GPHN: variants seen among roughly 807,000 people sequenced by gnomAD.
The protein encoded by GPHN is gephyrin.
A neutral mutation model predicts 95.5 loss-of-function variants in GPHN; 17 were observed. The ratio of observed to expected loss-of-function variants is 0.18; its 90% CI spans 0.12 to 0.27. The LOEUF (loss-of-function observed/expected upper bound fraction) is 0.27. GPHN is among the 10% of genes least tolerant of loss of function. The pLI is 1.00. For synonymous variants in GPHN, 320 were observed against 322.5 expected, an observed-to-expected ratio of 0.99 and a Z score of 0.08; for missense variants, 660 against 978.1, an observed-to-expected ratio of 0.67 and a Z score of 4.34.
chr14:66,565,656 TA>T (rs977026424), intron 1 of GPHN, among the ~76,000 whole-genome samples: 1 of 152,138 alleles, frequency 6.6e-6, no homozygotes. Context: ...AGGACTAAAA[TA>T]ATCAATGTAA....
At chr14:67,560,556 C>G in the GPHN span, among the ~76,000 whole-genome samples, 1 of 152,190 alleles carries the variant, frequency 6.6e-6, no homozygotes, top group Non-Finnish European at 1.5e-5. Context: ...CTGGTAACCT[C>G]TATTCCACCT....
the GPHN span, chr14:67,579,925 T>C: frequency 1.3e-6 from 2 of 1,529,218 alleles, no homozygotes; most frequent in Non-Finnish European, 1.8e-6. Flanking sequence ...CTCAGGGATA[T>C]TGGTGGTGGG....
intron 17 of GPHN, among the ~76,000 whole-genome samples, chr14:67,138,887 C>CTTTTTT (rs34446302): frequency 5.3e-5 from 5 of 94,686 alleles, no homozygotes; most frequent in African/African-American, 3.0e-4. Flanking sequence ...GCATCCTCTC[C>CTTTTTT]TTTTTTTTTT....
intron 18 of GPHN, among the ~76,000 whole-genome samples, chr14:67,144,968 C>T (rs2080815488): frequency 6.6e-6 from 1 of 152,180 alleles, no homozygotes; most frequent in African/African-American, 2.4e-5. Flanking sequence ...CAAAGTCTCC[C>T]AGAGTCTTTA....
intron 2 of GPHN, among the ~76,000 whole-genome samples, chr14:66,717,516 AT>A (rs1242994759): frequency 6.6e-6 from 1 of 151,422 alleles, no homozygotes; most frequent in East Asian, 1.9e-4. Context: ...TAAATCAGGG[AT>A]TTTTTCTTGG....
At chr14:66,978,945 A>G (rs1002815603) in intron 9 of GPHN, among the ~76,000 whole-genome samples, 1 of 152,190 alleles carries the variant, frequency 6.6e-6, no homozygotes, top group African/African-American at 2.4e-5. Flanking sequence ...ATCTCCTTGT[A>G]TATCCCAATC....
intron 11 of GPHN, among the ~76,000 whole-genome samples, chr14:67,084,353 C>T (rs2076805621): frequency 6.6e-6 from 1 of 152,082 alleles, no homozygotes. Flanking sequence ...TAGGTTTAAA[C>T]TCCCTTGATC....
chr14:67,180,708 G>T, intron 22 of GPHN, 96 bp from the exon 23 acceptor site: 3 of 1,205,858 alleles, frequency 2.5e-6, no homozygotes, highest in Non-Finnish European at 1.2e-6. Flanking sequence ...TTGAAGACCC[G>T]CATTTCTGTC....
the GPHN span, chr14:67,651,501 G>A: frequency 6.2e-7 from 1 of 1,612,370 alleles, no homozygotes; most frequent in African/African-American, 1.3e-5. Flanking sequence ...GAAGCAAAGT[G>A]GGGAGTAGTC....
intron 5 of GPHN, among the ~76,000 whole-genome samples, chr14:66,895,059 A>G (rs9323488): frequency 0.31 from 47,110 of 152,040 alleles, 11,314 homozygotes; most frequent in African/African-American, 0.65. Flanking sequence ...ACATGCACAC[A>G]TATGTTTATT....
chr14:67,332,886 A>C, the GPHN span: 25 of 1,614,116 alleles, frequency 1.5e-5, no homozygotes, highest in Admixed American at 6.7e-5. Flanking sequence ...AAAGCCTATC[A>C]GGAATTGCTT....
intron 1 of GPHN, among the ~76,000 whole-genome samples, chr14:66,521,152 T>C (rs1415869313): frequency 6.6e-6 from 1 of 152,196 alleles, no homozygotes; most frequent in Non-Finnish European, 1.5e-5. Context: ...TTATGAATAG[T>C]GCTACAGTGA....
At chr14:66,824,099 C>G (rs2153492683) in intron 3 of GPHN, among the ~76,000 whole-genome samples, 1 of 152,252 alleles carries the variant, frequency 6.6e-6, no homozygotes, top group African/African-American at 2.4e-5. Flanking sequence ...AAAGACCCTT[C>G]TAGCTCCAAA....
chr14:67,262,185 G>A, the GPHN span, among the ~76,000 whole-genome samples: 1 of 151,998 alleles, frequency 6.6e-6, no homozygotes, highest in Non-Finnish European at 1.5e-5. Context: ...GGAATCAGCT[G>A]TAAAAATAAA....
intron 13 of GPHN, 73 bp from the exon 14 acceptor site, chr14:67,110,067 A>T: frequency 7.4e-7 from 1 of 1,347,934 alleles, no homozygotes; most frequent in Non-Finnish European, 1.1e-6. Context: ...TATTAAAAAA[A>T]TTAACATCCT....
At chr14:66,655,916 T>G (rs1418648762) in intron 1 of GPHN, among the ~76,000 whole-genome samples, 3 of 152,176 alleles carry the variant, frequency 2.0e-5, no homozygotes, top group African/African-American at 7.2e-5. Flanking sequence ...TTTTGAATAT[T>G]GAACCAGCCT....
the GPHN span, among the ~76,000 whole-genome samples, chr14:67,210,545 G>C: frequency 1.3e-5 from 2 of 152,138 alleles, no homozygotes; most frequent in Non-Finnish European, 2.9e-5. Context: ...CTATAGTCTG[G>C]GAAGAAACCA....
intron 8 of GPHN, among the ~76,000 whole-genome samples, chr14:66,955,887 TC>T (rs1216889422): frequency 6.6e-6 from 1 of 152,104 alleles, no homozygotes; most frequent in Non-Finnish European, 1.5e-5. Flanking sequence ...CATGAACTCA[TC>T]CTTTTTTTAT....
At chr14:66,859,957 A>G (rs2062959071) in intron 4 of GPHN, among the ~76,000 whole-genome samples, 1 of 152,162 alleles carries the variant, frequency 6.6e-6, no homozygotes, top group Admixed American at 6.6e-5. Context: ...AAAAAGGATG[A>G]GGTATGCCTA....
Sources: allele counts gnomAD v4.1 joint callset (sites outside exome capture counted in the v4.1 genomes callset), GRCh38; gene constraint gnomAD v4.1.1; transcripts MANE v1.5; gene names NCBI Gene and HGNC (gene_info 2026-07-23, HGNC 2026-07-21).